Variants in CFAP36 observed in about 807,000 individuals in gnomAD.
CFAP36 encodes cilia and flagella associated protein 36.
A neutral mutation model predicts 50.5 loss-of-function variants in CFAP36; 37 were observed. The ratio of observed to expected loss-of-function variants is 0.73; its 90% CI spans 0.56 to 0.96. The LOEUF is 0.96. CFAP36 is among the 50% of genes least tolerant of loss of function. The pLI is 0.00. For synonymous variants in CFAP36, 138 were observed against 128.2 expected, an observed-to-expected ratio of 1.08 and a Z score of -0.52; for missense variants, 407 against 396.2, an observed-to-expected ratio of 1.03 and a Z score of -0.23.
intron 4 of CFAP36, among the ~76,000 whole-genome samples, chr2:55,530,801 A>G (rs775845479): frequency 6.6e-5 from 10 of 152,140 alleles, no homozygotes; most frequent in Non-Finnish European, 1.3e-4. Flanking sequence ...TTTTTTTACC[A>G]CGGCCCATAA....
chr2:55,541,131 T>C (rs537916167), intron 7 of CFAP36, among the ~76,000 whole-genome samples: 561 of 152,268 alleles, frequency 3.7e-3, no homozygotes, highest in Middle Eastern at 6.8e-3. Flanking sequence ...GCGACCAGTG[T>C]GGCCAACATG....
chr2:55,520,885 G>A (rs183128225), intron 1 of CFAP36, among the ~76,000 whole-genome samples: 1 of 152,306 alleles, frequency 6.6e-6, no homozygotes, highest in East Asian at 1.9e-4. Flanking sequence ...TATCCAAGAT[G>A]AGTTAGCCAG....
intron 6 of CFAP36, among the ~76,000 whole-genome samples, chr2:55,536,791 C>T (rs1162812894): frequency 6.6e-6 from 1 of 151,732 alleles, no homozygotes; most frequent in Non-Finnish European, 1.5e-5. Context: ...ATTGCCCAGG[C>T]TAGAGTGCAG....
At position 55,523,722 on chromosome 2, in the gene CFAP36, T is replaced by C. The variant is rs754574527; in HGVS notation, c.182T>C (p.Val61Ala). 4 of 1,585,986 alleles carry C rather than the reference T, an allele frequency of 2.5e-6. No homozygotes were observed. The highest frequency in any genetic ancestry group is 3.5e-5 in the Admixed American group (2 of 56,882). ...AAAAGTTAAACTTTGTTTTTTTAGG[T>C]TGAAAAGCTGTTAGAAGGTTACCTC... ...TEIHQEYKELVEKLLEGYLKE... is the reference protein window; with the variant it reads ...TEIHQEYKELAEKLLEGYLKE... Residue 61 changes from valine to alanine, a missense_variant and splice_region_variant, in exon 3 of 10, where the codon GTT becomes GCT. Transcript: ENST00000349456.
intron 3 of CFAP36, among the ~76,000 whole-genome samples, chr2:55,527,352 G>A (rs1684235471): frequency 6.6e-6 from 1 of 151,988 alleles, no homozygotes; most frequent in Non-Finnish European, 1.5e-5. Flanking sequence ...GGAGGCCGAG[G>A]TGGGTGGATC....
At chr2:55,529,748 A>C (rs377160251) in intron 4 of CFAP36, among the ~76,000 whole-genome samples, 13 of 149,446 alleles carry the variant, frequency 8.7e-5, no homozygotes, top group African/African-American at 2.2e-4. Context: ...GCGGGTTTAC[A>C]CCATTCTCCT....
In CFAP36 at chr2:55,537,668, T is replaced by G. The variant is rs529428477; in HGVS notation, c.640+83T>G. On this transcript the variant is annotated intron_variant, in intron 7 of 9. Transcript: ENST00000349456. Reference sequence around the variant, plus strand: ...GAATGTGCCACTTTCTCATACTTATTTAACTTCAAAAGCCCTGGGAGGGAG... The same window carrying G: ...GAATGTGCCACTTTCTCATACTTATGTAACTTCAAAAGCCCTGGGAGGGAG... 54 of 892,688 alleles carry G rather than the reference T, an allele frequency of 6.0e-5. No homozygotes were observed. The East Asian group carries it at 1.4e-3, about 24-fold the overall frequency. 55.3% of individuals were successfully genotyped at this position (892,688 alleles called of 1,614,324 possible).
At position 55,542,664 on chromosome 2, in the gene CFAP36, C is replaced by A. The variant is rs144534452; in HGVS notation, c.641-1274C>A. On this transcript the variant is annotated intron_variant, in intron 7 of 9. Coordinates refer to ENST00000349456, the MANE Select transcript of CFAP36 (RefSeq NM_080667.7). ...ATAATTAACAAACCCAAGGCAAGAA[C>A]TGTCCAGAGAAAGAACATGAGTGGA... 2.1e-3 allele frequency among the ~76,000 whole-genome samples: 317 copies of A among 152,318 alleles called. 2 individuals carry two copies. The highest frequency in any genetic ancestry group is 5.9e-3 in the African/African-American group (245 of 41,568).
At chr2:55,542,018 T>C (rs1029543298) in intron 7 of CFAP36, among the ~76,000 whole-genome samples, 1 of 152,206 alleles carries the variant, frequency 6.6e-6, no homozygotes, top group Non-Finnish European at 1.5e-5. Flanking sequence ...ATTTCTTTTT[T>C]ATATATATGC....
At chr2:55,525,997 C>T (rs558188207) in intron 3 of CFAP36, among the ~76,000 whole-genome samples, 1 of 152,218 alleles carries the variant, frequency 6.6e-6, no homozygotes, top group Non-Finnish European at 1.5e-5. Flanking sequence ...AATGTATGGT[C>T]CCCTCCCCAG....
At chr2:55,531,398 A>G (rs372547987) in intron 4 of CFAP36, 30 of 152,336 alleles carry the variant, frequency 2.0e-4, no homozygotes, top group African/African-American at 6.7e-4. Flanking sequence ...AAAGGGAATA[A>G]ATATATATCT....
intron 4 of CFAP36, among the ~76,000 whole-genome samples, chr2:55,531,520 G>T (rs1264128529): frequency 6.6e-6 from 1 of 152,138 alleles, no homozygotes; most frequent in African/African-American, 2.4e-5. Context: ...GTTCGGGATT[G>T]GTTAATTTAG....
chr2:55,544,144 G>C lies in CFAP36; in HGVS notation c.777+70G>C, dbSNP rs1401295115. On this transcript the variant is annotated intron_variant, in intron 8 of 9. Transcript: ENST00000349456. ...GTACTGGGAAATCAAACTTCGAATTGAATCACTCAGTGGGCATCTGTGCTA... is the reference window on the plus strand; with the variant it reads ...GTACTGGGAAATCAAACTTCGAATTCAATCACTCAGTGGGCATCTGTGCTA... The C allele has an allele frequency of 3.7e-5, 59 of 1,608,202 alleles. 1 individual carries two copies. The South Asian group carries it at 5.5e-4, about 15-fold the overall frequency.
At position 55,544,821 on chromosome 2, in the gene CFAP36, T is replaced by C. The variant is rs564539837; in HGVS notation, c.928-86T>C. ...CCGTCCCACAAGAAGGTGCCCCCGA[T>C]TTTTGTTCATTTGAGGCAGTATGTT... On this transcript the variant is annotated intron_variant, in intron 9 of 9. Coordinates refer to ENST00000349456, the MANE Select transcript of CFAP36 (RefSeq NM_080667.7). 170 of 804,822 alleles carry C rather than the reference T, an allele frequency of 2.1e-4. 1 individual carries two copies. The Middle Eastern group carries it at 5.2e-3, about 24-fold the overall frequency. 49.9% of individuals were successfully genotyped at this position (804,822 alleles called of 1,614,324 possible).
At chr2:55,520,423 A>T (rs1162023870) in intron 1 of CFAP36, 2 of 1,548,546 alleles carry the variant, frequency 1.3e-6, no homozygotes, top group Admixed American at 2.0e-5. Flanking sequence ...AAAGGAGGGC[A>T]TGTGATAACT....
At position 55,522,114 on chromosome 2, in the gene CFAP36, A is replaced by G; in HGVS notation, c.128A>G (p.Glu43Gly). Residue 43 changes from glutamate (E) to glycine (G), a missense_variant, in exon 2 of 10, where the codon GAA (glutamate) becomes GGA (glycine). By Grantham distance (98) the Glu-to-Gly change is moderately conservative (BLOSUM62 -2). Coordinates refer to ENST00000349456, the MANE Select transcript of CFAP36 (RefSeq NM_080667.7). ...VEQKCEVFDD[E>G]EESKLTYTEI... is the part of the protein sequence containing the mutation. ...CTTTTAAATTTAGTTTTTGATGATG[A>G]AGAAGAAAGCAAATTGACCTATACA... 1 of 1,514,208 alleles carries G rather than the reference A, an allele frequency of 6.6e-7. No homozygotes were observed. Among genetic ancestry groups the G allele is most frequent in the Non-Finnish European group, 9.1e-7 (1 of 1,104,380 alleles). 93.8% of individuals were successfully genotyped at this position (1,514,208 alleles called of 1,614,324 possible). A position where few individuals can be genotyped will look rare whatever the true frequency, so the allele number is the denominator to read the frequency against.
At chr2:55,526,496 C>T (rs892759991) in intron 3 of CFAP36, among the ~76,000 whole-genome samples, 3 of 152,176 alleles carry the variant, frequency 2.0e-5, no homozygotes, top group Admixed American at 6.5e-5. Flanking sequence ...GGCTGGACTG[C>T]AGTCGCTCAG....
chr2:55,542,191 T>A (rs55715440), intron 7 of CFAP36, among the ~76,000 whole-genome samples: 72 of 152,358 alleles, frequency 4.7e-4, no homozygotes, highest in South Asian at 8.3e-4. Flanking sequence ...TTGAATAAAT[T>A]TGCTTTGTCT....
chr2:55,539,580 A>G (rs1684580157), intron 7 of CFAP36: 1 of 152,226 alleles, frequency 6.6e-6, no homozygotes, highest in African/African-American at 2.4e-5. Context: ...GCTGCTATAA[A>G]CATCAGTGTG....
Sources: allele counts gnomAD v4.1 joint callset (sites outside exome capture counted in the v4.1 genomes callset), GRCh38; gene constraint gnomAD v4.1.1; transcripts MANE v1.5; gene names NCBI Gene and HGNC (gene_info 2026-07-23, HGNC 2026-07-21).